UNC13C: variants seen among roughly 807,000 people sequenced by gnomAD.
The protein encoded by UNC13C is unc-13 homolog C, also known as protein unc-13 homolog C.
UNC13C carries 174 observed loss-of-function variants against 245.4 expected under a neutral mutation model. That is an observed-to-expected ratio of 0.71 (90% confidence interval 0.63 to 0.80). The LOEUF (loss-of-function observed/expected upper bound fraction) is 0.80, where lower values mean the gene tolerates loss of function less well. Among genes scored for constraint, UNC13C ranks in the 30% least tolerant of loss-of-function variants. The pLI is 0.00. For synonymous variants in UNC13C, 992 were observed against 895.1 expected, an observed-to-expected ratio of 1.11 and a Z score of -1.93; for missense variants, 2,829 against 2,602.9, an observed-to-expected ratio of 1.09 and a Z score of -1.89.
At chr15:54,296,507 C>T (rs770646786) in intron 11 of UNC13C, among the ~76,000 whole-genome samples, 3 of 151,684 alleles carry the variant, frequency 2.0e-5, no homozygotes, top group East Asian at 2.0e-4. Context: ...CGTGAGCCAT[C>T]GCGCCGGGCC....
chr15:54,233,675 A>C (rs1381855404), intron 4 of UNC13C, among the ~76,000 whole-genome samples: 2 of 152,192 alleles, frequency 1.3e-5, no homozygotes, highest in African/African-American at 2.4e-5. Context: ...GACTAAGAAA[A>C]ATCCATTAAG....
chr15:54,005,328 G>A (rs568181843), intron 1 of UNC13C, among the ~76,000 whole-genome samples: 15 of 152,202 alleles, frequency 9.9e-5, no homozygotes, highest in Admixed American at 2.0e-4. Flanking sequence ...GTCCTCCTGG[G>A]CACAGTAGTA....
At chr15:53,918,611 C>T in the UNC13C span, among the ~76,000 whole-genome samples, 4 of 152,190 alleles carry the variant, frequency 2.6e-5, no homozygotes, top group South Asian at 6.2e-4. Context: ...TGTCCCCGTT[C>T]TTGTAGCTGA....
At chr15:53,871,626 G>A in the UNC13C span, among the ~76,000 whole-genome samples, 10 of 152,252 alleles carry the variant, frequency 6.6e-5, no homozygotes, top group East Asian at 3.9e-4. Context: ...TTGCATGAGC[G>A]AATAAATGAA....
intron 26 of UNC13C, among the ~76,000 whole-genome samples, chr15:54,541,357 C>T (rs893343017): frequency 2.0e-5 from 3 of 151,902 alleles, no homozygotes; most frequent in Admixed American, 2.0e-4. Context: ...TTATAATTTC[C>T]GAGTCCAAAA....
intron 16 of UNC13C, among the ~76,000 whole-genome samples, chr15:54,334,371 C>A (rs1054445931): frequency 3.3e-5 from 5 of 152,058 alleles, no homozygotes; most frequent in African/African-American, 1.2e-4. Context: ...TTAGATATAT[C>A]ATTTCTGCTT....
At position 54,268,332 on chromosome 15, in the gene UNC13C, C is replaced by T. The variant is rs116448645; in HGVS notation, c.3818+2836C>T. On this transcript the variant is annotated intron_variant, in intron 10 of 32. Coordinates refer to ENST00000260323, the MANE Select transcript of UNC13C (RefSeq NM_001080534.3). ...GGTCTTTGCATCTTCCATGCCTCAA[C>T]TTAAATTTTTGAAAACATGCAGTAT... Among the ~76,000 whole-genome samples, 1,319 of 152,140 alleles carry T rather than the reference C, an allele frequency of 8.7e-3. 22 individuals are homozygous for T. Among genetic ancestry groups the T allele is most frequent in the African/African-American group, 0.031 (1,279 of 41,518 alleles).
At chr15:53,994,459 A>G (rs1894528274) in intron 1 of UNC13C, among the ~76,000 whole-genome samples, 1 of 152,108 alleles carries the variant, frequency 6.6e-6, no homozygotes, top group Non-Finnish European at 1.5e-5. Flanking sequence ...GCCTTGAAGC[A>G]TAAGTAATGG....
At chr15:54,440,793 CT>C (rs1890480981) in intron 19 of UNC13C, among the ~76,000 whole-genome samples, 1 of 151,890 alleles carries the variant, frequency 6.6e-6, no homozygotes, top group Non-Finnish European at 1.5e-5. Context: ...TAAGTGTTCC[CT>C]TTTCTCTGTA....
At chr15:54,488,014 AAAG>A (rs201295336) in intron 19 of UNC13C, among the ~76,000 whole-genome samples, 11,939 of 152,112 alleles carry the variant, frequency 0.078, 529 homozygotes, top group African/African-American at 0.12. Flanking sequence ...TCTTGCCTCC[AAAG>A]ATATCCCAAC....
At chr15:54,104,860 G>A (rs1567017421) in intron 2 of UNC13C, among the ~76,000 whole-genome samples, 1 of 152,092 alleles carries the variant, frequency 6.6e-6, no homozygotes, top group Non-Finnish European at 1.5e-5. Context: ...TGAGAAGGTG[G>A]CTGGTGCTCT....
At chr15:53,886,357 C>G in the UNC13C span, among the ~76,000 whole-genome samples, 2 of 152,148 alleles carry the variant, frequency 1.3e-5, no homozygotes, top group East Asian at 3.9e-4. Flanking sequence ...CCCAAACCTA[C>G]CTTGATAGGG....
At chr15:54,549,421 CTT>C (rs1896634258) in intron 27 of UNC13C, among the ~76,000 whole-genome samples, 1 of 152,110 alleles carries the variant, frequency 6.6e-6, no homozygotes, top group Admixed American at 6.5e-5. Context: ...AAACTTAAGA[CTT>C]TGAAAAGTGG....
At chr15:53,950,355 T>C in the UNC13C span, among the ~76,000 whole-genome samples, 4 of 152,172 alleles carry the variant, frequency 2.6e-5, no homozygotes, top group Non-Finnish European at 2.9e-5. Context: ...TTTTATTTTT[T>C]CTTAAATAAG....
At chr15:54,191,492 A>G (rs2034181808) in intron 4 of UNC13C, among the ~76,000 whole-genome samples, 1 of 152,166 alleles carries the variant, frequency 6.6e-6, no homozygotes. Context: ...GCTATTGTGA[A>G]CAGTGCTGCA....
chr15:54,224,433 T>C (rs1298114157), intron 4 of UNC13C, among the ~76,000 whole-genome samples: 1 of 151,444 alleles, frequency 6.6e-6, no homozygotes, highest in Non-Finnish European at 1.5e-5. Flanking sequence ...TGTATCACAC[T>C]GACTGATTTG....
At chr15:54,409,537 C>T (rs897193501) in intron 18 of UNC13C, among the ~76,000 whole-genome samples, 22 of 152,036 alleles carry the variant, frequency 1.4e-4, no homozygotes, top group African/African-American at 5.3e-4. Flanking sequence ...TCCCACCCTC[C>T]ACCCTCAAGG....
intron 17 of UNC13C, 61 bp downstream of exon 17, chr15:54,338,550 A>C: frequency 6.4e-7 from 1 of 1,566,704 alleles, no homozygotes; most frequent in Non-Finnish European, 8.7e-7. Context: ...TGTTTCCATA[A>C]GTTTAGCATA....
At chr15:54,087,432 T>C (rs938228604) in intron 2 of UNC13C, among the ~76,000 whole-genome samples, 3 of 152,232 alleles carry the variant, frequency 2.0e-5, no homozygotes, top group African/African-American at 7.2e-5. Context: ...CTTTTCTGCA[T>C]GAGGTTCAAA....
Sources: allele counts gnomAD v4.1 joint callset (sites outside exome capture counted in the v4.1 genomes callset), GRCh38; gene constraint gnomAD v4.1.1; transcripts MANE v1.5; gene names NCBI Gene and HGNC (gene_info 2026-07-23, HGNC 2026-07-21).